Variants in GRK5 observed in about 807,000 individuals in gnomAD.
The protein encoded by GRK5 is G protein-coupled receptor kinase 5, also known as g protein-coupled receptor kinase GRK5.
GRK5 carries 40 observed loss-of-function variants against 78.4 expected under a neutral mutation model. The ratio of observed to expected loss-of-function variants is 0.51; its 90% CI spans 0.40 to 0.66. The LOEUF (loss-of-function observed/expected upper bound fraction) is 0.66, where lower values mean the gene tolerates loss of function less well. Among genes scored for constraint, GRK5 ranks in the 30% least tolerant of loss-of-function variants. The pLI is 0.00. For synonymous variants in GRK5, 289 were observed against 296.8 expected (o/e 0.97, Z 0.27); for missense variants, 598 against 759.9 (o/e 0.79, Z 2.50).
At chr10:119,414,275 G>A (rs564490203) in intron 4 of GRK5, among the ~76,000 whole-genome samples, 16 of 152,334 alleles carry the variant, frequency 1.1e-4, no homozygotes, top group East Asian at 3.9e-4. Flanking sequence ...ACAGTCTCCC[G>A]GGCCGACCTT....
chr10:119,357,566 T>C (rs1381076294), intron 2 of GRK5, among the ~76,000 whole-genome samples: 1 of 152,222 alleles, frequency 6.6e-6, no homozygotes, highest in Non-Finnish European at 1.5e-5. Flanking sequence ...TGGATTGTTG[T>C]TGGCTTGGTT....
chr10:119,307,102 T>C (rs555404909), intron 1 of GRK5, among the ~76,000 whole-genome samples: 1 of 152,238 alleles, frequency 6.6e-6, no homozygotes, highest in Admixed American at 6.5e-5. Context: ...CTTTCTTAAC[T>C]ATGCTAAATG....
At chr10:119,397,747 C>T (rs1435550909) in intron 4 of GRK5, among the ~76,000 whole-genome samples, 6 of 152,246 alleles carry the variant, frequency 3.9e-5, no homozygotes, top group Non-Finnish European at 8.8e-5. Context: ...AGCCCTCGTT[C>T]TTCTCCAGCA....
chr10:119,421,001 G>C (rs1852559405), intron 4 of GRK5, among the ~76,000 whole-genome samples: 1 of 152,206 alleles, frequency 6.6e-6, no homozygotes, highest in Non-Finnish European at 1.5e-5. Flanking sequence ...GCACACAGGT[G>C]GGCAACTCAG....
At chr10:119,303,595 G>T (rs1016714106) in intron 1 of GRK5, among the ~76,000 whole-genome samples, 1 of 152,212 alleles carries the variant, frequency 6.6e-6, no homozygotes, top group Non-Finnish European at 1.5e-5. Context: ...TTCTAAACCT[G>T]TTGGGAAGTC....
At chr10:119,254,069 C>T (rs113965180) in intron 1 of GRK5, among the ~76,000 whole-genome samples, 34 of 152,244 alleles carry the variant, frequency 2.2e-4, no homozygotes, top group African/African-American at 6.3e-4. Context: ...CACACCACAG[C>T]GGGGAAAGAT....
Position 119,439,768 on chromosome 10 carries a change from G to A in GRK5, c.967G>A (p.Gly323Ser). 1.2e-6 allele frequency: 2 copies of A among 1,613,730 alleles called. No homozygotes were observed. Among genetic ancestry groups the A allele is most frequent in the Non-Finnish European group, 1.7e-6 (2 of 1,179,826 alleles). The change falls in exon 10 of 16, where the codon GGC (glycine) becomes AGC (serine). Residue 323 changes from glycine (G) to serine (S), a missense_variant and splice_region_variant. Gly to Ser is a moderately conservative substitution (Grantham distance 56, BLOSUM62 0). Coordinates refer to ENST00000392870, the MANE Select transcript of GRK5 (RefSeq NM_005308.3). Reference sequence around the variant, plus strand: ...TGAAAACATCCTGTTAGATGATTATGGTAAGTCTTTTCCTACTCGGTAGCT... The same window carrying A: ...TGAAAACATCCTGTTAGATGATTATAGTAAGTCTTTTCCTACTCGGTAGCT... ...KPENILLDDY[G>S]HIRISDLGLA...
intron 11 of GRK5, among the ~76,000 whole-genome samples, 182 bp from the exon 12 acceptor site, chr10:119,443,362 C>T (rs1043851299): frequency 4.6e-5 from 7 of 152,274 alleles, no homozygotes; most frequent in Non-Finnish European, 1.0e-4. Flanking sequence ...TCTAAAGCTA[C>T]AGTCAAAGTC....
chr10:119,352,521 G>C (rs891977112), intron 2 of GRK5, among the ~76,000 whole-genome samples: 1 of 152,172 alleles, frequency 6.6e-6, no homozygotes, highest in Non-Finnish European at 1.5e-5. Context: ...ACTGCTTCTC[G>C]TTGAAGCTGT....
At chr10:119,291,023 G>A (rs1279458443) in intron 1 of GRK5, among the ~76,000 whole-genome samples, 25 of 152,172 alleles carry the variant, frequency 1.6e-4, no homozygotes, top group Admixed American at 1.6e-3. Flanking sequence ...TTGTTCTGTA[G>A]TGGTGGCTTT....
At position 119,412,920 on chromosome 10, in the gene GRK5, G is replaced by A. The variant is rs929661532; in HGVS notation, c.340-10246G>A. Among the ~76,000 whole-genome samples, 4 of 152,158 alleles carry A rather than the reference G, an allele frequency of 2.6e-5. No homozygotes were observed. Among genetic ancestry groups the A allele is most frequent in the Non-Finnish European group, 5.9e-5 (4 of 68,038 alleles). ...CAGGGCTGAGTGAGCTCAGGGAATC[G>A]GAGCTCGGCGAGACGAGGGGAGCTC... On this transcript the variant is annotated intron_variant, in intron 4 of 15. Coordinates refer to ENST00000392870, the MANE Select transcript of GRK5 (RefSeq NM_005308.3). The surrounding 1 kb of genome is among the most constrained non-coding windows in gnomAD (Gnocchi z 4.3).
intron 1 of GRK5, among the ~76,000 whole-genome samples, chr10:119,274,235 G>A (rs187483216): frequency 1.3e-3 from 197 of 152,198 alleles, no homozygotes; most frequent in Admixed American, 3.1e-3. Flanking sequence ...ACACTGACCC[G>A]GTGACATGGG....
intron 2 of GRK5, among the ~76,000 whole-genome samples, chr10:119,331,877 G>C (rs1186337281): frequency 6.6e-6 from 1 of 152,176 alleles, no homozygotes; most frequent in East Asian, 1.9e-4. Flanking sequence ...GTAAAACCCA[G>C]ACTCCTTACT....
In GRK5 at chr10:119,264,718, C is replaced by T. The variant is rs1338389744; in HGVS notation, c.52+56749C>T. On this transcript the variant is annotated intron_variant, in intron 1 of 15. Coordinates refer to ENST00000392870, the MANE Select transcript of GRK5 (RefSeq NM_005308.3). This position sits in a 1 kb window ranked among gnomAD's most constrained non-coding sequence, Gnocchi z 4.1. ...AGCAGGGCCCTGATCAGCAGCCTGG[C>T]ATTGTAAGTGGGGTAGGACTATTCT... is the stretch of plus-strand genomic sequence containing the variant. 1.3e-5 allele frequency among the ~76,000 whole-genome samples: 2 copies of T among 152,136 alleles called. No homozygotes were observed. Among genetic ancestry groups the T allele is most frequent in the Non-Finnish European group, 1.5e-5 (1 of 68,018 alleles).
chr10:119,408,953 C>T (rs1032288800), intron 4 of GRK5, among the ~76,000 whole-genome samples: 6 of 152,198 alleles, frequency 3.9e-5, no homozygotes, highest in African/African-American at 9.7e-5. Context: ...TCTTCCTCTG[C>T]GTTGTCTTCT....
intron 1 of GRK5, among the ~76,000 whole-genome samples, chr10:119,291,546 C>G (rs1038427874): frequency 6.7e-6 from 1 of 149,530 alleles, no homozygotes; most frequent in African/African-American, 2.5e-5. Flanking sequence ...CCTCTTCCTC[C>G]TCCTCCTCTT....
intron 2 of GRK5, among the ~76,000 whole-genome samples, chr10:119,329,767 C>T (rs145718963): frequency 2.5e-4 from 38 of 152,168 alleles, no homozygotes; most frequent in African/African-American, 9.2e-4. Context: ...ACCTCCTTCC[C>T]CCTGCAGAAA....
In GRK5 at chr10:119,267,871, C is replaced by T. The variant is rs948024861; in HGVS notation, c.53-58645C>T. Among the ~76,000 whole-genome samples the T allele has an allele frequency of 6.6e-6, 1 of 152,166 alleles. No homozygotes were observed. Among genetic ancestry groups the T allele is most frequent in the African/African-American group, 2.4e-5 (1 of 41,438 alleles). On this transcript the variant is annotated intron_variant, in intron 1 of 15. Transcript: ENST00000392870. The surrounding 1 kb of genome is among the most constrained non-coding windows in gnomAD (Gnocchi z 4.1). Reference sequence around the variant, plus strand: ...CCTCCACACTCCCCACCCCCCACAGCCCAGCCAGGTCCAAAACCCTACATG... The same window carrying T: ...CCTCCACACTCCCCACCCCCCACAGTCCAGCCAGGTCCAAAACCCTACATG...
chr10:119,252,524 C>T (rs1347755497), intron 1 of GRK5, among the ~76,000 whole-genome samples: 3 of 152,048 alleles, frequency 2.0e-5, no homozygotes, highest in South Asian at 2.1e-4. Flanking sequence ...CCGGGTGTCT[C>T]GAGACCTGGG....
Sources: allele counts gnomAD v4.1 joint callset (sites outside exome capture counted in the v4.1 genomes callset), GRCh38; gene constraint gnomAD v4.1.1; non-coding constraint Gnocchi (gnomAD v3.1); transcripts MANE v1.5; gene names NCBI Gene and HGNC (gene_info 2026-07-23, HGNC 2026-07-21).